DFFB: variants seen among roughly 807,000 people sequenced by gnomAD.
DFFB encodes the protein DNA fragmentation factor 40 kDa subunit.
Under a neutral mutation model 32.7 loss-of-function variants are expected in DFFB, and 29 were observed. The observed-to-expected ratio is 0.89, with a 90% CI of 0.66 to 1.21. The LOEUF (loss-of-function observed/expected upper bound fraction) is 1.21. Ranked by LOEUF, DFFB falls within the 50% of genes most tolerant of loss-of-function variation. The probability of loss-of-function intolerance (pLI) is 0.00; values close to 1 mark genes in which losing one functional copy is unlikely to be tolerated. For missense variants in DFFB, 398 were observed against 440.6 expected, an observed-to-expected ratio of 0.90 and a Z score of 0.87; for synonymous variants, 170 against 177.1, an observed-to-expected ratio of 0.96 and a Z score of 0.32.
At chr1:3,878,675 G>T (rs1386199906) in intron 6 of DFFB, among the ~76,000 whole-genome samples, 1 of 152,174 alleles carries the variant, frequency 6.6e-6, no homozygotes, top group Non-Finnish European at 1.5e-5. Context: ...CTGGAAGACG[G>T]CACTGCTGCT....
At chr1:3,862,375 G>C (rs1471621682) in intron 2 of DFFB, among the ~76,000 whole-genome samples, 2 of 150,376 alleles carry the variant, frequency 1.3e-5, no homozygotes, top group East Asian at 4.1e-4. Flanking sequence ...CTAATCCACA[G>C]TTCATATGGA....
chr1:3,875,541 GTGTCAT>G (rs962145643), intron 6 of DFFB, among the ~76,000 whole-genome samples: 16 of 152,152 alleles, frequency 1.1e-4, no homozygotes, highest in African/African-American at 3.9e-4. Context: ...CTGACACTTG[GTGTCAT>G]TGTACTTTTT....
intron 3 of DFFB, among the ~76,000 whole-genome samples, chr1:3,867,207 T>C (rs1434339117): frequency 1.3e-5 from 2 of 152,246 alleles, no homozygotes; most frequent in Non-Finnish European, 2.9e-5. Flanking sequence ...ATTTCCTTCT[T>C]TTTAAGGCCA....
chr1:3,863,500 C>G (rs933492751), intron 2 of DFFB, among the ~76,000 whole-genome samples: 1 of 152,184 alleles, frequency 6.6e-6, no homozygotes, highest in Non-Finnish European at 1.5e-5. Flanking sequence ...CCCAGCAGCT[C>G]CACTCCTAGG....
chr1:3,858,855 A>G lies in DFFB; in HGVS notation c.241+11A>G, dbSNP rs1338166640. 6.2e-7 allele frequency: 1 copy of G among 1,612,398 alleles called. No homozygotes were observed. The highest frequency in any genetic ancestry group is 1.7e-5 in the Admixed American group (1 of 59,938). ...AGGCCTGGCAGGGCTGTGAGTGGCA[A>G]GGACTTTGGAGGTGGGCGGGAAGCT... On this transcript the variant is annotated intron_variant, in intron 2 of 6. Transcript: ENST00000378209.
Position 3,862,340 on chromosome 1 carries a change from C to T in DFFB, c.242-3472C>T, listed in dbSNP as rs185003844. Among the ~76,000 whole-genome samples the T allele has an allele frequency of 8.3e-4, 126 of 151,568 alleles. 2 individuals carry two copies. The highest frequency in any genetic ancestry group is 2.6e-3 in the African/African-American group (108 of 41,420). ...TCCCTATGAAAATTCCAGCTGGTTT[C>T]ATTGTAGAAATTGACATGCTGATTC... On this transcript the variant is annotated intron_variant, in intron 2 of 6. Transcript: ENST00000378209.
intron 4 of DFFB, among the ~76,000 whole-genome samples, chr1:3,869,304 G>A (rs145211499): frequency 3.9e-5 from 6 of 152,142 alleles, no homozygotes; most frequent in East Asian, 3.9e-4. Flanking sequence ...CAAGTGATCC[G>A]CCCACCTCGG....
chr1:3,872,140 G>A (rs761631534), intron 5 of DFFB, among the ~76,000 whole-genome samples: 12 of 152,176 alleles, frequency 7.9e-5, no homozygotes, highest in East Asian at 1.9e-4. Flanking sequence ...CTGGCCGGGC[G>A]CGGTGGCTCA....
intron 3 of DFFB, among the ~76,000 whole-genome samples, chr1:3,866,874 A>G (rs1158617981): frequency 6.6e-6 from 1 of 152,162 alleles, no homozygotes; most frequent in Non-Finnish European, 1.5e-5. Flanking sequence ...CTCAAGGTTC[A>G]TCCATATCGT....
Position 3,883,915 on chromosome 1 carries a change from G to A in DFFB, c.*174G>A, listed in dbSNP as rs1039175542. 1.6e-4 allele frequency: 97 copies of A among 604,764 alleles called. No individual in the cohort carries two copies. The highest frequency in any genetic ancestry group is 9.7e-4 in the African/African-American group (52 of 53,690). 37.5% of individuals were successfully genotyped at this position (604,764 alleles called of 1,614,324 possible). ...TTTCATTACATTTCTGAATTGTTGGGGTTTTTTTTGTTGTTTTGTTTTGTT... is the reference window on the plus strand; with the variant it reads ...TTTCATTACATTTCTGAATTGTTGGAGTTTTTTTTGTTGTTTTGTTTTGTT... On this transcript the variant is annotated 3_prime_UTR_variant, in exon 7 of 7. Coordinates refer to ENST00000378209, the MANE Select transcript of DFFB (RefSeq NM_004402.4).
chr1:3,867,738 AGCCACTTG>A, intron 3 of DFFB: 1 of 509,778 alleles, frequency 2.0e-6, no homozygotes, highest in Admixed American at 3.3e-5. Context: ...CTGTAGTCTT[AGCCACTTG>A]GAAGTCTGAG....
In DFFB at chr1:3,869,655, G is replaced by C. The variant is rs1045589675; in HGVS notation, c.561G>C (p.Leu187=). The C allele has an allele frequency of 6.2e-7, 1 of 1,613,542 alleles. No homozygotes were observed. The highest frequency in any genetic ancestry group is 8.5e-7 in the Non-Finnish European group (1 of 1,179,846). ...GTGCGGAGGCTCAGGAGGAATTCCT[G>C]CGGGTCCTCGGCTCCATGTGCCAGA... The part of the protein sequence containing the change: ...TVGAEAQEEF[L]RVLGSMCQRL... Residue 187 remains leucine (L), a synonymous_variant, in exon 5 of 7, where the codon CTG becomes CTC. Coordinates refer to ENST00000378209, the MANE Select transcript of DFFB (RefSeq NM_004402.4).
intron 5 of DFFB, among the ~76,000 whole-genome samples, chr1:3,870,946 G>T (rs1645100459): frequency 6.6e-6 from 1 of 152,236 alleles, no homozygotes. Flanking sequence ...GAATGAGTGT[G>T]TTGAGTGCTG....
chr1:3,869,730 G>A lies in DFFB; in HGVS notation c.636G>A (p.Lys212=). The A allele has an allele frequency of 6.2e-7, 1 of 1,610,652 alleles. No individual in the cohort carries two copies. Among genetic ancestry groups the A allele is most frequent in the Non-Finnish European group, 8.5e-7 (1 of 1,178,236 alleles). Residue 212 remains lysine (K), a synonymous_variant, in exon 5 of 7, where the codon AAG becomes AAA. Transcript: ENST00000378209. ...GCAGCTACTTCGACAGAGGAGCCAA[G>A]GGCGGCAGCCGCCTCTGCACACCGG... ...YNGSYFDRGA[K]GGSRLCTPEG...
intron 6 of DFFB, among the ~76,000 whole-genome samples, chr1:3,876,779 A>C (rs1454036686): frequency 6.6e-6 from 1 of 152,192 alleles, no homozygotes; most frequent in Non-Finnish European, 1.5e-5. Flanking sequence ...TCCCACCCTT[A>C]GTGCCACCTC....
chr1:3,874,209 A>G (rs34451576), intron 6 of DFFB, among the ~76,000 whole-genome samples: 17,943 of 104,134 alleles, frequency 0.17, 1,406 homozygotes, highest in Middle Eastern at 0.26. Flanking sequence ...CCGTGTAGCT[A>G]CACCTTTACC....
chr1:3,857,621 G>C lies in DFFB; in HGVS notation c.18G>C (p.Lys6Asn), dbSNP rs1277636069. The C allele has an allele frequency of 1.9e-6, 3 of 1,599,864 alleles. No homozygotes were observed. The highest frequency in any genetic ancestry group is 2.6e-6 in the Non-Finnish European group (3 of 1,173,876). The change falls in exon 1 of 7, where the codon AAG becomes AAC. Residue 6 changes from lysine to asparagine, a missense_variant. Transcript: ENST00000378209. MLQKPKSVKLRALRSP... is the reference protein window; with the variant it reads MLQKPNSVKLRALRSP... ...CATCTGCAATGCTCCAGAAGCCCAA[G>C]AGCGTGAAGCTGCGGGCCCTGCGCA...
rs956927214 is a variant in DFFB at position 3,878,011 on chromosome 1, C to T, written c.782+5439C>T. On this transcript the variant is annotated intron_variant, in intron 6 of 6. Coordinates refer to ENST00000378209, the MANE Select transcript of DFFB (RefSeq NM_004402.4). Reference sequence around the variant, plus strand: ...CCTGAGATTCTGTCATTCAGCCAGCCGCAGCTTGAACCTCCTGCTGCAGGT... The same window carrying T: ...CCTGAGATTCTGTCATTCAGCCAGCTGCAGCTTGAACCTCCTGCTGCAGGT... Among the ~76,000 whole-genome samples, 84 of 152,264 alleles carry T rather than the reference C, an allele frequency of 5.5e-4. 1 individual carries two copies. Among genetic ancestry groups the T allele is most frequent in the Non-Finnish European group, 2.4e-4 (16 of 68,022 alleles).
At position 3,870,429 on chromosome 1, in the gene DFFB, T is replaced by C. The variant is rs188337308; in HGVS notation, c.681+654T>C. ...GCTTCTTCCCATGGGACAGGGCTCC[T>C]TGCTGCTCCTGCCAGGCAGATCCTT... is the stretch of plus-strand genomic sequence containing the variant. On this transcript the variant is annotated intron_variant, in intron 5 of 6. Coordinates refer to ENST00000378209, the MANE Select transcript of DFFB (RefSeq NM_004402.4). Among the ~76,000 whole-genome samples, 263 of 152,310 alleles carry C rather than the reference T, an allele frequency of 1.7e-3. 2 individuals carry two copies. Among genetic ancestry groups the C allele is most frequent in the Middle Eastern group, 0.017 (5 of 294 alleles).
Sources: allele counts gnomAD v4.1 joint callset (sites outside exome capture counted in the v4.1 genomes callset), GRCh38; gene constraint gnomAD v4.1.1; transcripts MANE v1.5; gene names NCBI Gene and HGNC (gene_info 2026-07-23, HGNC 2026-07-21).